The following SCD variants were observed in gnomAD, a reference collection of about 807,000 sequenced individuals.
SCD encodes the protein acyl-CoA desaturase.
Under a neutral mutation model 35.7 loss-of-function variants are expected in SCD, and 4 were observed. The observed-to-expected ratio is 0.11, with a 90% CI of 0.06 to 0.26. The LOEUF is 0.26. Ranked by LOEUF, SCD falls within the 10% of genes least tolerant of loss-of-function variation. SCD has a pLI of 1.00. For synonymous variants in SCD, 150 were observed against 170.2 expected (o/e 0.88, Z 0.92); for missense variants, 282 against 460.7 (o/e 0.61, Z 3.55).
Position 100,348,054 on chromosome 10 carries a change from C to T in SCD, c.28-10C>T. On this transcript the variant is annotated splice_polypyrimidine_tract_variant and intron_variant, in intron 1 of 5. Coordinates refer to ENST00000370355, the MANE Select transcript of SCD (RefSeq NM_005063.5). ...TCTTCTCCTGACTCTCCTCTTCCTCCCCCTTCCAGATCTCTAGCTCCTATA... is the reference window on the plus strand; with the variant it reads ...TCTTCTCCTGACTCTCCTCTTCCTCTCCCTTCCAGATCTCTAGCTCCTATA... 1 of 1,611,948 alleles carries T rather than the reference C, an allele frequency of 6.2e-7. No individual in the cohort carries two copies. Among genetic ancestry groups the T allele is most frequent in the Non-Finnish European group, 8.5e-7 (1 of 1,178,894 alleles).
Position 100,356,404 on chromosome 10 carries a change from T to C in SCD, c.648-128T>C, listed in dbSNP as rs1849927904. ...AAACAAACAAAAATAAATAAAACAATGAACTTAGAGTCAGACAAGCAATTC... is the reference window on the plus strand; with the variant it reads ...AAACAAACAAAAATAAATAAAACAACGAACTTAGAGTCAGACAAGCAATTC... On this transcript the variant is annotated intron_variant, in intron 4 of 5. Coordinates refer to ENST00000370355, the MANE Select transcript of SCD (RefSeq NM_005063.5). This position sits in a 1 kb window ranked among gnomAD's most constrained non-coding sequence, Gnocchi z 4.1. 4.2e-6 allele frequency: 3 copies of C among 716,640 alleles called. No homozygotes were observed. The highest frequency in any genetic ancestry group is 1.8e-5 in the South Asian group (1 of 57,074). The allele number at this position is 716,640 out of a possible 1,614,324, so 44.4% of individuals were successfully genotyped here. A position where few individuals can be genotyped will look rare whatever the true frequency, so the allele number is the denominator to read the frequency against.
At chr10:100,350,111 C>G (rs2133592077) in intron 2 of SCD, among the ~76,000 whole-genome samples, 1 of 152,118 alleles carries the variant, frequency 6.6e-6, no homozygotes, top group African/African-American at 2.4e-5. Context: ...GTGTGCTGTG[C>G]CCTTGGGCAG....
Position 100,356,676 on chromosome 10 carries a change from G to A in SCD, c.792G>A (p.Val264=). The part of the protein sequence containing the change: ...YAVVLNATWL[V]NSAAHLFGYR... ...TGGTGCTTAATGCCACCTGGCTGGT[G>A]AACAGTGCTGCCCACCTCTTCGGAT... Residue 264 remains valine (V), a synonymous_variant, in exon 5 of 6, where the codon GTG becomes GTA. Transcript: ENST00000370355. This position sits in a 1 kb window ranked among gnomAD's most constrained non-coding sequence, Gnocchi z 4.1. 1 of 1,614,268 alleles carries A rather than the reference G, an allele frequency of 6.2e-7. No homozygotes were observed. The highest frequency in any genetic ancestry group is 8.5e-7 in the Non-Finnish European group (1 of 1,180,058).
At chr10:100,357,597 A>C (rs1282928941) in intron 5 of SCD, among the ~76,000 whole-genome samples, 1 of 152,092 alleles carries the variant, frequency 6.6e-6, no homozygotes, top group African/African-American at 2.4e-5. Context: ...GTTCCTGCTC[A>C]ATTCTCTAAT....
chr10:100,362,239 G>A lies in SCD; in HGVS notation c.*1306G>A, dbSNP rs1339868395. 1 of 152,156 alleles carries A rather than the reference G, an allele frequency of 6.6e-6. No homozygotes were observed. The highest frequency in any genetic ancestry group is 1.5e-5 in the Non-Finnish European group (1 of 68,036). The allele number at this position is 152,156 out of a possible 1,614,324, so 9.4% of individuals were successfully genotyped here. A position where few individuals can be genotyped will look rare whatever the true frequency, so the allele number is the denominator to read the frequency against. ...TCTGAGAACACGTTGCCAGGGGCTT[G>A]AGAAGGTTACTGAGTGAGTTATTGG... On this transcript the variant is annotated 3_prime_UTR_variant, in exon 6 of 6. Transcript: ENST00000370355.
rs79821354 is a variant in SCD at position 100,353,692 on chromosome 10, G to A, written c.442-735G>A. On this transcript the variant is annotated intron_variant, in intron 3 of 5. Transcript: ENST00000370355. ...CAATGGGCAAATGATAGCATGTGGCGTTTGGCTTAGCTTGGAGCAAGAGGA... is the reference window on the plus strand; with the variant it reads ...CAATGGGCAAATGATAGCATGTGGCATTTGGCTTAGCTTGGAGCAAGAGGA... Among the ~76,000 whole-genome samples the A allele has an allele frequency of 2.0e-3, 303 of 152,282 alleles. 2 individuals carry two copies. The highest frequency in any genetic ancestry group is 6.8e-3 in the African/African-American group (282 of 41,558).
chr10:100,347,931 A>G, intron 1 of SCD, 133 bp from the exon 2 acceptor site: 1 of 879,892 alleles, frequency 1.1e-6, no homozygotes, highest in Non-Finnish European at 1.8e-6. Context: ...GATACACCCT[A>G]CCCTCAGTGA....
In SCD at chr10:100,361,104, T is replaced by C; in HGVS notation, c.*171T>C. The C allele has an allele frequency of 1.6e-6, 1 of 618,040 alleles. No homozygotes were observed. The highest frequency in any genetic ancestry group is 2.8e-5 in the East Asian group (1 of 36,308). 38.3% of individuals were successfully genotyped at this position (618,040 alleles called of 1,614,324 possible). ...GTATTGAAAGCCAACAACTCTGCCT[T>C]TATGATGCTAAGCTGATATTATTTC... On this transcript the variant is annotated 3_prime_UTR_variant, in exon 6 of 6. Transcript: ENST00000370355.
intron 2 of SCD, among the ~76,000 whole-genome samples, chr10:100,349,704 C>G (rs1473390273): frequency 6.6e-6 from 1 of 152,152 alleles, no homozygotes; most frequent in Non-Finnish European, 1.5e-5. Flanking sequence ...TGTGTCACAG[C>G]CGCAGAGACA....
At chr10:100,360,110 TCTGATCTTTGG>T (rs1004422643) in intron 5 of SCD, among the ~76,000 whole-genome samples, 6 of 152,300 alleles carry the variant, frequency 3.9e-5, no homozygotes, top group Admixed American at 2.6e-4. Flanking sequence ...TGGCCTTTCT[TCTGATCTTTGG>T]CTGCAGGGCC....
rs551709274 is a variant in SCD, at chr10:100,362,864, G to A, written c.*1931G>A. On this transcript the variant is annotated 3_prime_UTR_variant, in exon 6 of 6. Coordinates refer to ENST00000370355, the MANE Select transcript of SCD (RefSeq NM_005063.5). ...GCGCTCATGTTGAGCCAGTGGGCCA[G>A]CCACAGAGCAAAAGAGGGTTTATTT... 1 of 152,390 alleles carries A rather than the reference G, an allele frequency of 6.6e-6. No individual in the cohort carries two copies. Among genetic ancestry groups the A allele is most frequent in the Admixed American group, 6.5e-5 (1 of 15,294 alleles). The allele number at this position is 152,390 out of a possible 1,614,324, so 9.4% of individuals were successfully genotyped here.
intron 3 of SCD, among the ~76,000 whole-genome samples, chr10:100,353,547 TG>T (rs1320522293): frequency 3.5e-5 from 5 of 142,374 alleles, no homozygotes; most frequent in African/African-American, 1.3e-4. Context: ...ATCGCGCCAC[TG>T]CACTCCAGCC....
At position 100,347,516 on chromosome 10, in the gene SCD, C is replaced by T. The variant is rs1054005593; in HGVS notation, c.12C>T (p.His4=). The T allele has an allele frequency of 8.7e-6, 14 of 1,613,906 alleles. No individual in the cohort carries two copies. Among genetic ancestry groups the T allele is most frequent in the South Asian group, 2.2e-5 (2 of 91,088 alleles). MPA[H]LLQDDISSSY... ...ATCCGAGAGCCAAGATGCCGGCCCA[C>T]TTGCTGCAGGACGATGTGAGTTTCC... Residue 4 remains histidine, a synonymous_variant, in exon 1 of 6, where the codon CAC becomes CAT. Coordinates refer to ENST00000370355, the MANE Select transcript of SCD (RefSeq NM_005063.5).
rs1408401821 is a variant in SCD, at chr10:100,361,822, AT to A, written c.*891del. ...AGTCTTGAAGTTGGGTGTTTCCAGA[AT>A]TGGTAAAAACAGCAGCTCATAGAAT... On this transcript the variant is annotated 3_prime_UTR_variant, in exon 6 of 6. Coordinates refer to ENST00000370355, the MANE Select transcript of SCD (RefSeq NM_005063.5). 1 of 152,032 alleles carries A rather than the reference AT, an allele frequency of 6.6e-6. No homozygotes were observed. The highest frequency in any genetic ancestry group is 1.5e-5 in the Non-Finnish European group (1 of 68,002). The allele number at this position is 152,032 out of a possible 1,614,324, so 9.4% of individuals were successfully genotyped here.
In SCD at chr10:100,361,478, G is replaced by C. The variant is rs149747792; in HGVS notation, c.*545G>C. 806 of 156,800 alleles carry C rather than the reference G, an allele frequency of 5.1e-3. 3 individuals are homozygous for C. The highest frequency in any genetic ancestry group is 0.017 in the African/African-American group (708 of 41,582). 9.7% of individuals were successfully genotyped at this position (156,800 alleles called of 1,614,324 possible). ...GCTTCTAAAGCAGGTAAATTGTCGG[G>C]GGAGAGAGTTAGCATGTATGAATGT... On this transcript the variant is annotated 3_prime_UTR_variant, in exon 6 of 6. Transcript: ENST00000370355.
intron 5 of SCD, among the ~76,000 whole-genome samples, chr10:100,359,904 T>A (rs1849972587): frequency 6.6e-6 from 1 of 152,224 alleles, no homozygotes; most frequent in Non-Finnish European, 1.5e-5. Context: ...GAATCCAGAA[T>A]TTGTTTGTTT....
At position 100,357,000 on chromosome 10, in the gene SCD, G is replaced by A. The variant is rs541828217; in HGVS notation, c.880+236G>A. Reference sequence around the variant, plus strand: ...CAAAAAAACACTGATTTTGATTCCAGGTTCTAAAACAATTTCCAAATGCCA... The same window carrying A: ...CAAAAAAACACTGATTTTGATTCCAAGTTCTAAAACAATTTCCAAATGCCA... On this transcript the variant is annotated intron_variant, in intron 5 of 5. Transcript: ENST00000370355. The surrounding 1 kb of genome is among the most constrained non-coding windows in gnomAD (Gnocchi z 4.1). Among the ~76,000 whole-genome samples, 1 of 152,308 alleles carries A rather than the reference G, an allele frequency of 6.6e-6. No homozygotes were observed. The highest frequency in any genetic ancestry group is 1.9e-4 in the East Asian group (1 of 5,186).
At position 100,352,662 on chromosome 10, in the gene SCD, T is replaced by C. The variant is rs1325282442; in HGVS notation, c.441+166T>C. 6.6e-6 allele frequency among the ~76,000 whole-genome samples: 1 copy of C among 152,214 alleles called. No homozygotes were observed. The highest frequency in any genetic ancestry group is 1.5e-5 in the Non-Finnish European group (1 of 68,034). On this transcript the variant is annotated intron_variant, in intron 3 of 5. Transcript: ENST00000370355. The surrounding 1 kb of genome is among the most constrained non-coding windows in gnomAD (Gnocchi z 4.2). ...GTTCAGTCCTTAAGTCCATAAAGCA[T>C]GAAGAGACTTCTGAGTCTTGGAAAA...
rs1384770293 is a variant in SCD, at chr10:100,360,775, T to A, written c.922T>A (p.Tyr308Asn). ...CTACCACCACTCCTTTCCCTATGAC[T>A]ACTCTGCCAGTGAGTACCGCTGGCA... is the stretch of plus-strand genomic sequence containing the variant. Reference protein sequence around the residue: ...HNYHHSFPYDYSASEYRWHIN... With the variant: ...HNYHHSFPYDNSASEYRWHIN... Residue 308 changes from tyrosine (Y) to asparagine (N), a missense_variant, in exon 6 of 6, where the codon TAC (tyrosine) becomes AAC (asparagine). Physicochemically the swap from Tyr to Asn is moderately radical, Grantham distance 143. This residue lies in a region of SCD where 205 missense variants were observed against 372.3 expected (regional missense o/e 0.55). Transcript: ENST00000370355. 6.2e-7 allele frequency: 1 copy of A among 1,613,906 alleles called. No homozygotes were observed. The highest frequency in any genetic ancestry group is 8.5e-7 in the Non-Finnish European group (1 of 1,179,880).
Sources: gnomAD v4.1 joint callset for allele counts (sites outside exome capture counted in the v4.1 genomes callset) on GRCh38, gnomAD v4.1.1 for gene constraint, gnomAD v4.1.1 regional missense constraint, Gnocchi (gnomAD v3.1) non-coding constraint, MANE v1.5 for transcripts, NCBI Gene and HGNC (gene_info 2026-07-23, HGNC 2026-07-21) for gene names.